RRBP1: variants seen among roughly 807,000 people sequenced by gnomAD.
RRBP1 encodes ribosome-binding protein 1.
Under a neutral mutation model 165.2 loss-of-function variants are expected in RRBP1, and 94 were observed. The ratio of observed to expected loss-of-function variants is 0.57; its 90% confidence interval spans 0.48 to 0.68. The LOEUF is 0.68. Ranked by LOEUF, RRBP1 falls within the 30% of genes least tolerant of loss-of-function variation. The probability of loss-of-function intolerance (pLI) is 0.00; values close to 1 mark genes in which losing one functional copy is unlikely to be tolerated. For missense variants in RRBP1, 1,676 were observed against 1,763.0 expected (o/e 0.95, Z 0.88); for synonymous variants, 680 against 714.5 (o/e 0.95, Z 0.77).
At position 17,625,130 on chromosome 20, in the gene RRBP1, T is replaced by C. The variant is rs541498421; in HGVS notation, c.3054+382A>G. Among the ~76,000 whole-genome samples, 205 of 150,208 alleles carry C rather than the reference T, an allele frequency of 1.4e-3. 1 individual carries two copies. The highest frequency in any genetic ancestry group is 4.8e-3 in the African/African-American group (194 of 40,776). On this transcript the variant is annotated intron_variant, in intron 12 of 24. Transcript: ENST00000377813. ...GCTCTGTGAGAAGGGGGCAGGAGGG[T>C]GTGGCCGAGGCCACACCAGGACAGC... is the stretch of plus-strand genomic sequence containing the variant.
chr20:17,658,586 A>G lies in RRBP1; in HGVS notation c.1912+10T>C. 1 of 1,572,436 alleles carries G rather than the reference A, an allele frequency of 6.4e-7. No homozygotes were observed. The highest frequency in any genetic ancestry group is 2.2e-5 in the East Asian group (1 of 44,494). ...TTCCTTCTAAGTTCATAAAGAAATC[A>G]GTTACTTACCAGGCTCACCTTTTTT... On this transcript the variant is annotated intron_variant, in intron 3 of 24. Coordinates refer to ENST00000377813, the MANE Select transcript of RRBP1 (RefSeq NM_001365613.2).
chr20:17,616,842 G>A lies in RRBP1; in HGVS notation c.3760-3C>T, dbSNP rs759112999. The A allele has an allele frequency of 1.9e-6, 3 of 1,606,586 alleles. No homozygotes were observed. The highest frequency in any genetic ancestry group is 2.2e-5 in the East Asian group (1 of 44,788). ...ATTTCACTCAACTGCTGCCTGACCT[G>A]GAACAGGAAGGGGTGTGTTTGCAAA... On this transcript the variant is annotated splice_polypyrimidine_tract_variant and splice_region_variant and intron_variant, in intron 20 of 24. Coordinates refer to ENST00000377813, the MANE Select transcript of RRBP1 (RefSeq NM_001365613.2).
chr20:17,671,927 T>A (rs3790307), intron 2 of RRBP1, among the ~76,000 whole-genome samples: 39,847 of 152,158 alleles, frequency 0.26, 6,426 homozygotes, highest in Middle Eastern at 0.44. Flanking sequence ...AGAAACCCAG[T>A]GTTGTCGCCC....
chr20:17,681,786 G>A (rs1439593340), intron 1 of RRBP1, among the ~76,000 whole-genome samples: 1 of 150,670 alleles, frequency 6.6e-6, no homozygotes, highest in African/African-American at 2.4e-5. Context: ...CGAGGGCCGC[G>A]GGGTCCACAC....
At chr20:17,641,571 G>A (rs1238287464) in intron 5 of RRBP1, 18 of 589,474 alleles carry the variant, frequency 3.1e-5, no homozygotes, top group Middle Eastern at 4.6e-4. Flanking sequence ...TTACAGCCAC[G>A]AAGGAAGCCA....
chr20:17,658,854 A>C lies in RRBP1; in HGVS notation c.1654T>G (p.Ser552Ala). ...GAPIQGKKAD[S>A]VANQGTKVEG... ...ACCTTTGTGCCCTGATTAGCAACCG[A>C]ATCTGCCTTTTTGCCCTGGATGGGA... Residue 552 changes from serine (S) to alanine (A), a missense_variant, in exon 3 of 25, where the codon TCG (serine) becomes GCG (alanine). By Grantham distance (99) the Ser-to-Ala change is moderately conservative. Coordinates refer to ENST00000377813, the MANE Select transcript of RRBP1 (RefSeq NM_001365613.2). 1 of 1,613,738 alleles carries C rather than the reference A, an allele frequency of 6.2e-7. No homozygotes were observed. Among genetic ancestry groups the C allele is most frequent in the Non-Finnish European group, 8.5e-7 (1 of 1,179,870 alleles).
chr20:17,645,045 C>T (rs1049668930), intron 3 of RRBP1, among the ~76,000 whole-genome samples: 4 of 152,230 alleles, frequency 2.6e-5, no homozygotes, highest in Non-Finnish European at 5.9e-5. Context: ...AAAGTGCCCC[C>T]TGCTGAATTC....
intron 22 of RRBP1, among the ~76,000 whole-genome samples, 159 bp from the exon 23 acceptor site, chr20:17,615,688 C>G (rs2035786746): frequency 6.6e-6 from 1 of 152,208 alleles, no homozygotes; most frequent in South Asian, 2.1e-4. Context: ...CCCACAAGTT[C>G]TGACCCAGCC....
intron 11 of RRBP1, among the ~76,000 whole-genome samples, chr20:17,626,282 T>C (rs927145885): frequency 1.3e-5 from 2 of 152,202 alleles, no homozygotes; most frequent in Middle Eastern, 6.3e-3. Context: ...AATCTGATCT[T>C]AAAACACAAG....
rs373415177 is a variant in RRBP1 at position 17,627,337 on chromosome 20, C to A, written c.2963+11G>T. On this transcript the variant is annotated intron_variant, in intron 11 of 24. Transcript: ENST00000377813. ...GCTCAAGTGAGCAGGCAGGCTGCTT[C>A]CCCAGCTTACCGAGTCTGCTGCTGG... 3.1e-6 allele frequency: 5 copies of A among 1,612,726 alleles called. No homozygotes were observed. The highest frequency in any genetic ancestry group is 1.3e-5 in the African/African-American group (1 of 74,914).
chr20:17,658,834 T>C lies in RRBP1; in HGVS notation c.1674A>G (p.Thr558=). 1.9e-6 allele frequency: 3 copies of C among 1,614,046 alleles called. No individual in the cohort carries two copies. The highest frequency in any genetic ancestry group is 8.5e-7 in the Non-Finnish European group (1 of 1,179,902). The stretch of plus-strand genomic sequence containing the variant: ...CCTGGTTTGTAATACCCTCTACCTT[T>C]GTGCCCTGATTAGCAACCGAATCTG... ...KKADSVANQG[T]KVEGITNQGK... The change falls in exon 3 of 25, where the codon ACA becomes ACG. Residue 558 remains threonine (T), a synonymous_variant. Transcript: ENST00000377813.
intron 3 of RRBP1, 120 bp downstream of exon 3, chr20:17,658,472 ATGTT>A (rs888422264): frequency 2.9e-5 from 23 of 795,702 alleles, no homozygotes; most frequent in East Asian, 1.6e-4. Flanking sequence ...TTTTTTTTGA[ATGTT>A]TGTTACGCAG....
chr20:17,620,465 A>T (rs764952551), intron 17 of RRBP1, 95 bp from the exon 18 acceptor site: 2 of 1,181,090 alleles, frequency 1.7e-6, no homozygotes, highest in Non-Finnish European at 2.5e-6. Context: ...GACCCAACTT[A>T]GGAAGCCCCG....
intron 20 of RRBP1, among the ~76,000 whole-genome samples, chr20:17,618,241 T>C (rs111653500): frequency 6.6e-6 from 1 of 152,344 alleles, no homozygotes; most frequent in African/African-American, 2.4e-5. Flanking sequence ...CCAGGCTTCC[T>C]GGTCTTGTGA....
chr20:17,675,877 G>A (rs1463985350), intron 2 of RRBP1, among the ~76,000 whole-genome samples: 2 of 152,186 alleles, frequency 1.3e-5, no homozygotes, highest in African/African-American at 4.8e-5. Flanking sequence ...GGCAAAGGCA[G>A]GGAGCCCACC....
intron 3 of RRBP1, among the ~76,000 whole-genome samples, chr20:17,657,659 GA>G (rs1426578424): frequency 5.3e-5 from 8 of 152,162 alleles, no homozygotes; most frequent in Admixed American, 5.2e-4. Context: ...AAACATAAGT[GA>G]AACTGAATGA....
chr20:17,629,145 A>G (rs2036094795), intron 9 of RRBP1, among the ~76,000 whole-genome samples: 1 of 152,224 alleles, frequency 6.6e-6, no homozygotes. Context: ...CCTGCTGTGC[A>G]ATCCTGTCCT....
At chr20:17,614,971 G>A (rs2035769268) in intron 23 of RRBP1, 91 bp from the exon 24 acceptor site, 2 of 1,439,174 alleles carry the variant, frequency 1.4e-6, no homozygotes, top group Admixed American at 1.8e-5. Context: ...CCAGGGGCTG[G>A]AGCCCTCTGG....
intron 4 of RRBP1, 26 bp from the exon 5 acceptor site, chr20:17,641,945 CAG>C (rs1331046633): frequency 1.2e-6 from 2 of 1,604,414 alleles, no homozygotes; most frequent in South Asian, 2.2e-5. Flanking sequence ...GATGCGTTAA[CAG>C]AGGGGACAAA....
Sources: allele counts gnomAD v4.1 joint callset (sites outside exome capture counted in the v4.1 genomes callset), GRCh38; gene constraint gnomAD v4.1.1; transcripts MANE v1.5; gene names NCBI Gene and HGNC (gene_info 2026-07-23, HGNC 2026-07-21).